Variants in GALNTL6 observed in about 807,000 individuals in gnomAD.
GALNTL6 encodes the protein polypeptide N-acetylgalactosaminyltransferase like 6.
Under a neutral mutation model 73.7 loss-of-function variants are expected in GALNTL6, and 46 were observed. The ratio of observed to expected loss-of-function variants is 0.62; its 90% confidence interval spans 0.49 to 0.80. The LOEUF (loss-of-function observed/expected upper bound fraction) is 0.80. Among genes scored for constraint, GALNTL6 ranks in the 30% least tolerant of loss-of-function variants. The pLI, the probability that GALNTL6 is intolerant of heterozygous loss-of-function variation, is 0.00. For missense variants in GALNTL6, 604 were observed against 755.0 expected (o/e 0.80, Z 2.34); for synonymous variants, 259 against 263.7 (o/e 0.98, Z 0.17).
intron 3 of GALNTL6, among the ~76,000 whole-genome samples, chr4:172,255,666 T>A (rs904375094): frequency 2.0e-5 from 3 of 151,470 alleles, no homozygotes; most frequent in African/African-American, 7.2e-5. Context: ...AGTGACTACG[T>A]TGAAAATATA....
intron 2 of GALNTL6, among the ~76,000 whole-genome samples, chr4:172,215,250 T>C (rs2110935619): frequency 6.6e-6 from 1 of 152,300 alleles, no homozygotes; most frequent in African/African-American, 2.4e-5. Context: ...ATTCTAAAAA[T>C]ATCAATTAAA....
chr4:172,429,087 T>C (rs1279400160), intron 5 of GALNTL6, among the ~76,000 whole-genome samples: 2 of 151,938 alleles, frequency 1.3e-5, no homozygotes, highest in African/African-American at 2.4e-5. Context: ...CAAGTTCTTT[T>C]ATAAAGGAAC....
At chr4:171,909,815 T>C (rs190470146) in intron 2 of GALNTL6, among the ~76,000 whole-genome samples, 79 of 152,288 alleles carry the variant, frequency 5.2e-4, no homozygotes, top group African/African-American at 1.9e-3. Context: ...GACTGCATTG[T>C]AAACCATATC....
At chr4:172,330,658 A>C (rs1278547266) in intron 4 of GALNTL6, among the ~76,000 whole-genome samples, 1 of 152,168 alleles carries the variant, frequency 6.6e-6, no homozygotes, top group Non-Finnish European at 1.5e-5. Context: ...TTTGATAGGA[A>C]GTAGTATAGT....
chr4:171,911,857 T>C (rs1452346592), intron 2 of GALNTL6, among the ~76,000 whole-genome samples: 2 of 152,226 alleles, frequency 1.3e-5, no homozygotes, highest in Admixed American at 6.5e-5. Flanking sequence ...TTGGATATTT[T>C]GCTGTTTTCC....
chr4:172,635,151 A>C (rs1419281521), intron 5 of GALNTL6, among the ~76,000 whole-genome samples: 1 of 152,168 alleles, frequency 6.6e-6, no homozygotes, highest in Non-Finnish European at 1.5e-5. Context: ...ATATAACTAA[A>C]CTTTTTATTC....
In GALNTL6 at chr4:172,615,667, A is replaced by G. The variant is rs150837799; in HGVS notation, c.554-193694A>G. On this transcript the variant is annotated intron_variant, in intron 5 of 12. Coordinates refer to ENST00000506823, the MANE Select transcript of GALNTL6 (RefSeq NM_001034845.3). ...TGTGTATACTATAAATCGAGTCTAT[A>G]ACTCTTACATATCTAGTGATAGTTA... Among the ~76,000 whole-genome samples the G allele has an allele frequency of 2.2e-3, 337 of 152,308 alleles. 2 individuals carry two copies. The highest frequency in any genetic ancestry group is 3.8e-3 in the Non-Finnish European group (259 of 68,014).
chr4:173,035,123 C>A (rs1406727593), intron 12 of GALNTL6, among the ~76,000 whole-genome samples: 1 of 148,672 alleles, frequency 6.7e-6, no homozygotes, highest in Non-Finnish European at 1.5e-5. Context: ...ACTTTAAGTT[C>A]TAGGGTACAT....
At chr4:172,162,191 T>C (rs1734491633) in intron 2 of GALNTL6, among the ~76,000 whole-genome samples, 1 of 151,850 alleles carries the variant, frequency 6.6e-6, no homozygotes, top group Non-Finnish European at 1.5e-5. Flanking sequence ...ACGCTTTCCA[T>C]GGAGACAATA....
intron 2 of GALNTL6, among the ~76,000 whole-genome samples, chr4:171,898,501 C>T (rs1736991563): frequency 2.6e-5 from 4 of 151,994 alleles, no homozygotes; most frequent in Admixed American, 2.6e-4. Context: ...TTTATATTAT[C>T]ATATACTAAT....
chr4:172,072,104 G>T (rs1047694313), intron 2 of GALNTL6, among the ~76,000 whole-genome samples: 2 of 152,062 alleles, frequency 1.3e-5, no homozygotes, highest in Non-Finnish European at 1.5e-5. Context: ...TGCAGATTGT[G>T]GGTCAGATCC....
At chr4:172,759,736 CA>C (rs1161337831) in intron 5 of GALNTL6, among the ~76,000 whole-genome samples, 1 of 149,280 alleles carries the variant, frequency 6.7e-6, no homozygotes, top group Non-Finnish European at 1.5e-5. Context: ...TAGGATATTA[CA>C]CAGAGAAGGA....
intron 5 of GALNTL6, among the ~76,000 whole-genome samples, chr4:172,703,465 C>T (rs1734147276): frequency 6.6e-6 from 1 of 151,804 alleles, no homozygotes; most frequent in East Asian, 1.9e-4. Context: ...TGGTTTCTGT[C>T]CTTCAGTTTG....
intron 2 of GALNTL6, among the ~76,000 whole-genome samples, chr4:172,033,198 G>A (rs1454438420): frequency 6.6e-6 from 1 of 151,340 alleles, no homozygotes; most frequent in East Asian, 1.9e-4. Context: ...AGAGAGATCA[G>A]ACAACTCTGA....
chr4:172,042,034 G>T (rs1413922021), intron 2 of GALNTL6, among the ~76,000 whole-genome samples: 4 of 152,052 alleles, frequency 2.6e-5, no homozygotes, highest in Non-Finnish European at 4.4e-5. Flanking sequence ...AAGGTCATGT[G>T]TAGAAAGCAA....
At chr4:172,697,210 G>A (rs1369906620) in intron 5 of GALNTL6, among the ~76,000 whole-genome samples, 3 of 152,082 alleles carry the variant, frequency 2.0e-5, no homozygotes, top group African/African-American at 7.2e-5. Context: ...GAAAATACTG[G>A]TTTTTATGGA....
intron 5 of GALNTL6, among the ~76,000 whole-genome samples, chr4:172,614,740 T>G (rs1738657204): frequency 6.6e-6 from 1 of 152,184 alleles, no homozygotes; most frequent in Admixed American, 6.5e-5. Flanking sequence ...TTGGCTGTTA[T>G]TCTTAAAAGA....
intron 7 of GALNTL6, among the ~76,000 whole-genome samples, chr4:172,863,718 G>T (rs1320763957): frequency 6.6e-6 from 1 of 152,156 alleles, no homozygotes; most frequent in East Asian, 1.9e-4. Flanking sequence ...GTGAACTGTG[G>T]ACTTTTGAGT....
intron 2 of GALNTL6, among the ~76,000 whole-genome samples, chr4:172,137,686 C>T (rs1227751039): frequency 6.6e-6 from 1 of 152,078 alleles, no homozygotes; most frequent in Non-Finnish European, 1.5e-5. Flanking sequence ...AGGTAAGAAA[C>T]CACAATGGAT....
Sources: gnomAD v4.1 joint callset for allele counts (sites outside exome capture counted in the v4.1 genomes callset) on GRCh38, gnomAD v4.1.1 for gene constraint, MANE v1.5 for transcripts, NCBI Gene and HGNC (gene_info 2026-07-23, HGNC 2026-07-21) for gene names.